Variants in TMC5 observed in about 807,000 individuals in gnomAD.
TMC5 encodes transmembrane channel-like protein 5.
TMC5 carries 86 observed loss-of-function variants against 110.5 expected under a neutral mutation model. The ratio of observed to expected loss-of-function variants is 0.78; its 90% CI spans 0.65 to 0.93. The LOEUF is 0.93. Ranked by LOEUF, TMC5 falls within the 40% of genes least tolerant of loss-of-function variation. The pLI, the probability that TMC5 is intolerant of heterozygous loss-of-function variation, is 0.00. For synonymous variants in TMC5, 455 were observed against 439.5 expected (o/e 1.04, Z -0.44); for missense variants, 1,144 against 1,222.8 (o/e 0.94, Z 0.96).
intron 17 of TMC5, among the ~76,000 whole-genome samples, chr16:19,488,543 T>C (rs538946715): frequency 2.1e-5 from 3 of 145,490 alleles, no homozygotes; most frequent in Non-Finnish European, 4.5e-5. Flanking sequence ...CCTCACCCCA[T>C]TCCTGGAAGC....
chr16:19,437,810 A>G (rs28376724), intron 2 of TMC5, among the ~76,000 whole-genome samples: 10,582 of 152,200 alleles, frequency 0.07, 870 homozygotes, highest in African/African-American at 0.2. Flanking sequence ...TCCCTCTGAC[A>G]TGACATTGGA....
chr16:19,492,028 C>T (rs1968920414), intron 18 of TMC5, 122 bp from the exon 19 acceptor site: 1 of 763,434 alleles, frequency 1.3e-6, no homozygotes, highest in Non-Finnish European at 2.2e-6. Context: ...CATGACTTTT[C>T]AGAAACATGT....
Position 19,498,071 on chromosome 16 carries a change from C to A in TMC5, c.*105C>A. ...CTTTAGGAACTGCCCAGAAGAAAAT[C>A]CAAGGCTTTAGCCAGGAGCGGAAAC... On this transcript the variant is annotated 3_prime_UTR_variant, in exon 22 of 22. Coordinates refer to ENST00000542583, the MANE Select transcript of TMC5 (RefSeq NM_001261841.2). 8.5e-7 allele frequency: 1 copy of A among 1,175,788 alleles called. No individual in the cohort carries two copies. Among genetic ancestry groups the A allele is most frequent in the Non-Finnish European group, 1.3e-6 (1 of 787,646 alleles). 72.8% of individuals were successfully genotyped at this position (1,175,788 alleles called of 1,614,324 possible).
At chr16:19,431,633 C>T (rs2143410459) in intron 2 of TMC5, among the ~76,000 whole-genome samples, 1 of 151,890 alleles carries the variant, frequency 6.6e-6, no homozygotes, top group South Asian at 2.1e-4. Flanking sequence ...GGGGCAACTT[C>T]CTGCTCTTGG....
chr16:19,424,746 C>T (rs1336430494), intron 1 of TMC5, among the ~76,000 whole-genome samples: 1 of 152,200 alleles, frequency 6.6e-6, no homozygotes, highest in Non-Finnish European at 1.5e-5. Flanking sequence ...GAGCTTCTGT[C>T]CCAGTGAGTT....
chr16:19,465,552 T>C (rs1034090776), intron 8 of TMC5, among the ~76,000 whole-genome samples: 1 of 151,932 alleles, frequency 6.6e-6, no homozygotes, highest in Admixed American at 6.6e-5. Context: ...AATAAATAAA[T>C]AATCTCCCCA....
chr16:19,466,046 A>T (rs767369382), intron 8 of TMC5, 36 bp from the exon 9 acceptor site: 1 of 1,599,030 alleles, frequency 6.3e-7, no homozygotes, highest in South Asian at 1.1e-5. Flanking sequence ...TTTTTTCAGG[A>T]GATCCACCTG....
rs906528168 is a variant in TMC5, at chr16:19,498,080, T to C, written c.*114T>C. 18 of 1,076,308 alleles carry C rather than the reference T, an allele frequency of 1.7e-5. No individual in the cohort carries two copies. In the Admixed American group the frequency reaches 3.4e-4, roughly 20 times the overall value. The allele number at this position is 1,076,308 out of a possible 1,614,324, so 66.7% of individuals were successfully genotyped here. ...CTGCCCAGAAGAAAATCCAAGGCTT[T>C]AGCCAGGAGCGGAAACTGACTACCA... On this transcript the variant is annotated 3_prime_UTR_variant, in exon 22 of 22. Transcript: ENST00000542583.
At chr16:19,463,427 T>TGAA (rs1375861383) in intron 7 of TMC5, 60 bp downstream of exon 7, 1 of 1,307,622 alleles carries the variant, frequency 7.6e-7, no homozygotes, top group African/African-American at 1.5e-5. Flanking sequence ...AGAGTGAGGA[T>TGAA]GAAAGGGGAC....
chr16:19,460,410 A>C (rs1038759683), intron 6 of TMC5, 76 bp downstream of exon 6: 1 of 1,056,682 alleles, frequency 9.5e-7, no homozygotes, highest in South Asian at 1.4e-5. Context: ...CATCTCAAAA[A>C]GATAAGAAAT....
chr16:19,459,406 G>A (rs1490514267), intron 5 of TMC5, among the ~76,000 whole-genome samples: 2 of 152,288 alleles, frequency 1.3e-5, no homozygotes, highest in East Asian at 3.9e-4. Flanking sequence ...GAAGGTGGAA[G>A]GGCATTCAGC....
At chr16:19,488,780 T>G (rs925835667) in intron 17 of TMC5, among the ~76,000 whole-genome samples, 1 of 152,142 alleles carries the variant, frequency 6.6e-6, no homozygotes, top group Non-Finnish European at 1.5e-5. Context: ...TGCCTCTGTG[T>G]GAGTCTTTAA....
intron 15 of TMC5, 30 bp from the exon 16 acceptor site, chr16:19,486,914 GC>G (rs1426390149): frequency 1.3e-6 from 2 of 1,599,934 alleles, no homozygotes. Context: ...GTCTCCGCCA[GC>G]CTCTGACACT....
intron 15 of TMC5, among the ~76,000 whole-genome samples, chr16:19,486,302 C>T (rs778332585): frequency 1.3e-5 from 2 of 152,104 alleles, no homozygotes; most frequent in Admixed American, 6.6e-5. Context: ...AGCCTCTCTC[C>T]CTGGTTTATA....
intron 5 of TMC5, chr16:19,456,719 G>A: frequency 1.2e-6 from 2 of 1,608,880 alleles, no homozygotes; most frequent in Middle Eastern, 1.7e-4. Flanking sequence ...GCTGTCCGAT[G>A]ACCACGTGAA....
Position 19,444,213 on chromosome 16 carries a change from T to C in TMC5, c.921T>C (p.Tyr307=), listed in dbSNP as rs958284440. Residue 307 remains tyrosine, a synonymous_variant, in exon 4 of 22, where the codon TAT becomes TAC. Transcript: ENST00000542583. ...EMASMEMANS[Y]GHSLPGAPGS... ...CATCCATGGAGATGGCAAACTCATA[T>C]GGCCACTCTCTGCCAGGTGCTCCTG... The C allele has an allele frequency of 2.5e-6, 4 of 1,613,908 alleles. No homozygotes were observed. The highest frequency in any genetic ancestry group is 3.4e-6 in the Non-Finnish European group (4 of 1,180,022).
chr16:19,469,734 G>C lies in TMC5; in HGVS notation c.1691G>C (p.Gly564Ala). 6.2e-7 allele frequency: 1 copy of C among 1,614,054 alleles called. No homozygotes were observed. The highest frequency in any genetic ancestry group is 8.5e-7 in the Non-Finnish European group (1 of 1,179,964). Residue 564 changes from glycine to alanine, a missense_variant, in exon 10 of 22, where the codon GGG becomes GCG. Coordinates refer to ENST00000542583, the MANE Select transcript of TMC5 (RefSeq NM_001261841.2). ...ATTAATCCCCACATTTACTCCGGAG[G>C]GATCACCAAGCTGATCTTTTGCTGG... ...NFINPHIYSG[G>A]ITKLIFCWDF...
At chr16:19,449,075 T>A (rs996787240) in intron 4 of TMC5, among the ~76,000 whole-genome samples, 1 of 151,890 alleles carries the variant, frequency 6.6e-6, no homozygotes, top group East Asian at 1.9e-4. Context: ...ATGGTCTCGA[T>A]CTCCTGACCT....
At chr16:19,487,046 A>G (rs749100590) in intron 16 of TMC5, 26 bp downstream of exon 16, 42 of 1,612,664 alleles carry the variant, frequency 2.6e-5, no homozygotes, top group African/African-American at 5.3e-5. Context: ...ATTGCCATCA[A>G]TCAGCTTTGT....
Sources: gnomAD v4.1 joint callset for allele counts (sites outside exome capture counted in the v4.1 genomes callset) on GRCh38, gnomAD v4.1.1 for gene constraint, MANE v1.5 for transcripts, NCBI Gene and HGNC (gene_info 2026-07-23, HGNC 2026-07-21) for gene names.